The following ATAD2B variants were observed in gnomAD, a reference collection of about 807,000 sequenced individuals.
ATAD2B encodes ATPase family AAA domain-containing protein 2B.
In ATAD2B, 40 loss-of-function variants were observed where a neutral mutation model predicts 167.6. That is an observed-to-expected ratio of 0.24 (90% CI 0.19 to 0.31). The LOEUF is 0.31. ATAD2B is among the 10% of genes least tolerant of loss of function. The pLI is 1.00. For synonymous variants in ATAD2B, 579 were observed against 596.5 expected (o/e 0.97, Z 0.43); for missense variants, 1,242 against 1,757.2 (o/e 0.71, Z 5.24).
chr2:23,683,608 C>T, the ATAD2B span, among the ~76,000 whole-genome samples: 1 of 152,192 alleles, frequency 6.6e-6, no homozygotes, highest in Non-Finnish European at 1.5e-5. Flanking sequence ...GCCCCAGGTC[C>T]AAGACACCGG....
At chr2:23,873,339 T>C (rs1430995513) in intron 8 of ATAD2B, among the ~76,000 whole-genome samples, 1 of 152,194 alleles carries the variant, frequency 6.6e-6, no homozygotes, top group African/African-American at 2.4e-5. Context: ...AAAGTTAATA[T>C]AACAATACCT....
At chr2:23,775,483 A>T (rs1678963472) in intron 22 of ATAD2B, among the ~76,000 whole-genome samples, 1 of 152,142 alleles carries the variant, frequency 6.6e-6, no homozygotes, top group Non-Finnish European at 1.5e-5. Flanking sequence ...AAGTGCTAGG[A>T]TTACAGGCGT....
At chr2:23,715,935 C>A in the ATAD2B span, among the ~76,000 whole-genome samples, 13 of 152,188 alleles carry the variant, frequency 8.5e-5, no homozygotes, top group Non-Finnish European at 1.3e-4. Flanking sequence ...CTCCCCACCA[C>A]AAATAGCCTT....
intron 19 of ATAD2B, among the ~76,000 whole-genome samples, chr2:23,792,214 A>G (rs962657436): frequency 6.6e-6 from 1 of 151,712 alleles, no homozygotes; most frequent in African/African-American, 2.4e-5. Context: ...CGCCCAGCCT[A>G]ATTTTTGTAT....
intron 13 of ATAD2B, among the ~76,000 whole-genome samples, chr2:23,837,174 G>C (rs749832688): frequency 6.6e-6 from 1 of 152,238 alleles, no homozygotes; most frequent in African/African-American, 2.4e-5. Context: ...GCAGCAGGGG[G>C]TTGGCATGTA....
intron 2 of ATAD2B, among the ~76,000 whole-genome samples, chr2:23,893,694 A>G (rs377333119): frequency 6.8e-6 from 1 of 146,460 alleles, no homozygotes; most frequent in East Asian, 2.0e-4. Flanking sequence ...TTACGAAGAC[A>G]GGTCTCACTC....
chr2:23,691,954 A>G, the ATAD2B span: 19 of 1,416,410 alleles, frequency 1.3e-5, no homozygotes, highest in Middle Eastern at 7.0e-4. Context: ...GCAAGGACTG[A>G]GCGGGGAGGT....
chr2:23,889,096 C>T (rs1346982190), intron 2 of ATAD2B, among the ~76,000 whole-genome samples: 3 of 152,276 alleles, frequency 2.0e-5, no homozygotes, highest in South Asian at 4.1e-4. Flanking sequence ...AAATATCCAA[C>T]AATTATTAGT....
intron 22 of ATAD2B, among the ~76,000 whole-genome samples, chr2:23,779,368 G>A (rs1679657666): frequency 6.6e-6 from 1 of 151,518 alleles, no homozygotes; most frequent in African/African-American, 2.4e-5. Context: ...GTAGAGACAG[G>A]GTTTCACTGT....
chr2:23,820,258 T>A (rs770098144), intron 16 of ATAD2B, among the ~76,000 whole-genome samples: 84 of 152,186 alleles, frequency 5.5e-4, no homozygotes, highest in Non-Finnish European at 1.1e-3. Context: ...ATTAGTAGGT[T>A]AGCTGAGTCA....
At chr2:23,797,767 A>C (rs1366078684) in intron 19 of ATAD2B, among the ~76,000 whole-genome samples, 1 of 152,186 alleles carries the variant, frequency 6.6e-6, no homozygotes, top group Non-Finnish European at 1.5e-5. Context: ...TGTGCAAGAA[A>C]CAAAGTTTTG....
chr2:23,823,353 A>G lies in ATAD2B; in HGVS notation c.2036T>C (p.Ile679Thr), dbSNP rs1209298949. The part of the protein sequence containing the change: ...MSSGHALSPI[I>T]RPLLERSFNN... ...GAAGCTTCTTTCCAGCAGTGGTCTTATGATGGGGGATAGTGCATGCCCTGA... is the reference window on the plus strand; with the variant it reads ...GAAGCTTCTTTCCAGCAGTGGTCTTGTGATGGGGGATAGTGCATGCCCTGA... The change falls in exon 16 of 28, where the codon ATA becomes ACA. Residue 679 changes from isoleucine to threonine, a missense_variant. Ile to Thr is a moderately conservative substitution (Grantham distance 89, BLOSUM62 -1). Around this residue, in one of 9 missense-constraint regions of ATAD2B, gnomAD observed 145 missense variants for 181.9 expected, o/e 0.80. Transcript: ENST00000238789. The G allele has an allele frequency of 1.2e-6, 2 of 1,613,782 alleles. No individual in the cohort carries two copies. Among genetic ancestry groups the G allele is most frequent in the African/African-American group, 1.3e-5 (1 of 74,928 alleles).
chr2:23,829,056 A>G (rs1688653137), intron 14 of ATAD2B, 117 bp from the exon 15 acceptor site: 1 of 652,896 alleles, frequency 1.5e-6, no homozygotes, highest in Non-Finnish European at 2.6e-6. Flanking sequence ...ATCCCATTAA[A>G]ATTTTTATTT....
intron 1 of ATAD2B, among the ~76,000 whole-genome samples, chr2:23,920,249 AAC>A (rs1411311925): frequency 6.6e-6 from 1 of 152,188 alleles, no homozygotes; most frequent in East Asian, 1.9e-4. Flanking sequence ...GTCTTTAAAC[AAC>A]ACACAAAAAA....
At chr2:23,852,274 A>G (rs191791457) in intron 13 of ATAD2B, among the ~76,000 whole-genome samples, 2 of 152,236 alleles carry the variant, frequency 1.3e-5, no homozygotes, top group East Asian at 1.9e-4. Flanking sequence ...GAAAATAGAG[A>G]AAGAGGGAAT....
At chr2:23,744,027 C>A (rs1674660538), downstream of ATAD2B, among the ~76,000 whole-genome samples, 1 of 152,198 alleles carries the variant, frequency 6.6e-6, no homozygotes, top group Admixed American at 6.5e-5. Flanking sequence ...AATAGTTCCA[C>A]TGTCAATAAT....
At chr2:23,858,487 TTC>T (rs1693799113) in intron 12 of ATAD2B, among the ~76,000 whole-genome samples, 1 of 112,594 alleles carries the variant, frequency 8.9e-6, no homozygotes, top group Non-Finnish European at 1.9e-5. Flanking sequence ...ACCTGTCTCA[TTC>T]TTTTTTTTTT....
chr2:23,895,862 T>G lies in ATAD2B; in HGVS notation c.325A>C (p.Thr109Pro), dbSNP rs764299109. The G allele has an allele frequency of 1.9e-6, 3 of 1,613,304 alleles. No individual in the cohort carries two copies. Among genetic ancestry groups the G allele is most frequent in the Admixed American group, 3.3e-5 (2 of 59,988 alleles). The change falls in exon 2 of 28, where the codon ACT (threonine) becomes CCT (proline). Residue 109 changes from threonine (T) to proline (P), a missense_variant. Thr to Pro is a conservative substitution (Grantham distance 38, BLOSUM62 -1). Around this residue, in one of 9 missense-constraint regions of ATAD2B, gnomAD observed 199 missense variants for 194.9 expected, o/e 1.02. Transcript: ENST00000238789. ...VCKDKSKSRS[T>P]GQREEWNLST... ...AAGTTCCATTCCTCTCGCTGACCAG[T>G]ACTTCGTGATTTTGATTTGTCTTTG...
chr2:23,789,756 A>C (rs1437449737), intron 19 of ATAD2B, among the ~76,000 whole-genome samples: 5 of 152,184 alleles, frequency 3.3e-5, no homozygotes, highest in Non-Finnish European at 7.4e-5. Flanking sequence ...AAAATTCCAT[A>C]AATATGATAT....
Sources: allele counts gnomAD v4.1 joint callset (sites outside exome capture counted in the v4.1 genomes callset), GRCh38; gene constraint gnomAD v4.1.1; regional missense constraint gnomAD v4.1.1; transcripts MANE v1.5; gene names NCBI Gene and HGNC (gene_info 2026-07-23, HGNC 2026-07-21).